EXOC4: variants seen among roughly 807,000 people sequenced by gnomAD.
EXOC4 encodes SEC8-like 1.
In EXOC4, 71 loss-of-function variants were observed where a neutral mutation model predicts 107.2. That is an observed-to-expected ratio of 0.66 (90% CI 0.55 to 0.81). EXOC4 has a LOEUF of 0.81. Ranked by LOEUF, EXOC4 falls within the 30% of genes least tolerant of loss-of-function variation. The probability of loss-of-function intolerance (pLI) is 0.00; values close to 1 mark genes in which losing one functional copy is unlikely to be tolerated. For synonymous variants in EXOC4, 456 were observed against 441.2 expected, an observed-to-expected ratio of 1.03 and a Z score of -0.42; for missense variants, 1,108 against 1,189.6, an observed-to-expected ratio of 0.93 and a Z score of 1.01.
chr7:133,897,892 A>T (rs1369518648), intron 12 of EXOC4, among the ~76,000 whole-genome samples: 1 of 152,094 alleles, frequency 6.6e-6, no homozygotes, highest in Non-Finnish European at 1.5e-5. Context: ...TTTGAAATAT[A>T]TATTACATTA....
At chr7:134,027,605 C>T (rs1041499234) in intron 17 of EXOC4, among the ~76,000 whole-genome samples, 1 of 147,962 alleles carries the variant, frequency 6.8e-6, no homozygotes, top group African/African-American at 2.5e-5. Flanking sequence ...TCGCAGTGAG[C>T]CGAGATCACG....
intron 9 of EXOC4, among the ~76,000 whole-genome samples, chr7:133,582,273 C>A (rs1801295041): frequency 6.6e-6 from 1 of 152,148 alleles, no homozygotes; most frequent in South Asian, 2.1e-4. Flanking sequence ...AGGGTAATGG[C>A]CTCCAGTTCT....
downstream of EXOC4, among the ~76,000 whole-genome samples, chr7:134,069,723 C>A (rs1796246935): frequency 3.3e-5 from 5 of 152,118 alleles, no homozygotes; most frequent in South Asian, 1.0e-3. Flanking sequence ...CCCTGGGGCT[C>A]AGCCTCCCAA....
chr7:134,069,255 A>G (rs1256554465), downstream of EXOC4, among the ~76,000 whole-genome samples: 1 of 114,758 alleles, frequency 8.7e-6, no homozygotes, highest in Non-Finnish European at 1.8e-5. Context: ...TTATTCTCCT[A>G]CTTCCTCCCT....
intron 10 of EXOC4, among the ~76,000 whole-genome samples, chr7:133,737,909 C>CTTT (rs10673346): frequency 0.04 from 3,589 of 89,286 alleles, 338 homozygotes; most frequent in African/African-American, 0.11. Context: ...ATTTTTCTTT[C>CTTT]TTTTTTTTTT....
chr7:133,420,666 G>T (rs1178723424), intron 7 of EXOC4, among the ~76,000 whole-genome samples: 1 of 152,066 alleles, frequency 6.6e-6, no homozygotes, highest in East Asian at 1.9e-4. Context: ...TGTGACACCT[G>T]CTGGATCAGA....
intron 10 of EXOC4, among the ~76,000 whole-genome samples, chr7:133,807,979 G>A (rs1393615967): frequency 6.6e-6 from 1 of 152,182 alleles, no homozygotes; most frequent in East Asian, 1.9e-4. Flanking sequence ...AAATTTTGTA[G>A]ATAATATTCT....
intron 12 of EXOC4, among the ~76,000 whole-genome samples, chr7:133,900,086 A>T (rs916155595): frequency 9.2e-5 from 14 of 152,080 alleles, no homozygotes; most frequent in African/African-American, 3.4e-4. Context: ...TGCTGGACAC[A>T]ATGCTTCTTA....
At chr7:133,745,073 C>T (rs542862969) in intron 10 of EXOC4, among the ~76,000 whole-genome samples, 2 of 152,238 alleles carry the variant, frequency 1.3e-5, no homozygotes, top group South Asian at 4.1e-4. Flanking sequence ...CTTTTTCTCC[C>T]CTTTCTTGAT....
At chr7:134,060,712 C>T (rs1796035969) in intron 17 of EXOC4, among the ~76,000 whole-genome samples, 1 of 152,160 alleles carries the variant, frequency 6.6e-6, no homozygotes, top group Admixed American at 6.5e-5. Flanking sequence ...AGCACCCTTT[C>T]CCCACCTCCA....
intron 10 of EXOC4, among the ~76,000 whole-genome samples, chr7:133,735,666 G>A (rs558243535): frequency 2.6e-5 from 4 of 151,798 alleles, no homozygotes; most frequent in African/African-American, 4.8e-5. Flanking sequence ...TCTGAGGAAC[G>A]AGTTGTCTTC....
chr7:134,097,138 G>A, the EXOC4 span, among the ~76,000 whole-genome samples: 4 of 152,220 alleles, frequency 2.6e-5, no homozygotes, highest in Admixed American at 2.6e-4. Context: ...AAAAATTTGA[G>A]CTCATGGAAG....
intron 14 of EXOC4, among the ~76,000 whole-genome samples, chr7:133,955,429 T>C (rs1443952833): frequency 6.6e-6 from 1 of 152,208 alleles, no homozygotes; most frequent in Non-Finnish European, 1.5e-5. Context: ...AGCTCCTCTC[T>C]GCAGGCAGGT....
intron 12 of EXOC4, among the ~76,000 whole-genome samples, chr7:133,906,623 A>T (rs1199686472): frequency 2.0e-5 from 3 of 152,140 alleles, no homozygotes; most frequent in Non-Finnish European, 4.4e-5. Context: ...CACTCTATTA[A>T]ATCTTGCAAC....
At chr7:133,496,308 A>C (rs528754069) in intron 9 of EXOC4, among the ~76,000 whole-genome samples, 2 of 152,172 alleles carry the variant, frequency 1.3e-5, no homozygotes, top group African/African-American at 4.8e-5. Context: ...GGTGTGCACC[A>C]CCGCATGCAC....
intron 10 of EXOC4, among the ~76,000 whole-genome samples, chr7:133,779,927 C>T (rs534399217): frequency 6.6e-6 from 1 of 152,160 alleles, no homozygotes; most frequent in Non-Finnish European, 1.5e-5. Flanking sequence ...CTCTTTGGGT[C>T]CCTGCTGTCT....
intron 11 of EXOC4, among the ~76,000 whole-genome samples, chr7:133,886,203 T>G (rs1386704871): frequency 1.3e-5 from 2 of 152,226 alleles, no homozygotes; most frequent in African/African-American, 4.8e-5. Context: ...TCTTTAAGAC[T>G]CATCAAGACT....
In EXOC4 at chr7:133,288,913, T is replaced by C; in HGVS notation, c.277-9T>C. On this transcript the variant is annotated splice_polypyrimidine_tract_variant and intron_variant, in intron 2 of 17. Transcript: ENST00000253861. ...GGACTGACCCAAGACCGAATCTGTTTTATTGTAGGTAAAAGAGAACCTGCT... is the reference window on the plus strand; with the variant it reads ...GGACTGACCCAAGACCGAATCTGTTCTATTGTAGGTAAAAGAGAACCTGCT... 3.7e-6 allele frequency: 6 copies of C among 1,613,604 alleles called. No individual in the cohort carries two copies. Among genetic ancestry groups the C allele is most frequent in the Non-Finnish European group, 5.1e-6 (6 of 1,179,604 alleles).
chr7:133,842,998 G>A (rs1272964138), intron 11 of EXOC4, among the ~76,000 whole-genome samples: 1 of 152,018 alleles, frequency 6.6e-6, no homozygotes, highest in East Asian at 1.9e-4. Context: ...CTCTAATAGG[G>A]CTCTCTATTC....
Sources: allele counts gnomAD v4.1 joint callset (sites outside exome capture counted in the v4.1 genomes callset), GRCh38; gene constraint gnomAD v4.1.1; transcripts MANE v1.5; gene names NCBI Gene and HGNC (gene_info 2026-07-23, HGNC 2026-07-21).